ATG16L2: variants seen among roughly 807,000 people sequenced by gnomAD.
ATG16L2 encodes the protein protein Atg16l2.
A neutral mutation model predicts 84.7 loss-of-function variants in ATG16L2; 77 were observed. That is an observed-to-expected ratio of 0.91 (90% CI 0.76 to 1.10). The LOEUF is 1.10. Among genes scored for constraint, ATG16L2 ranks in the 50% least tolerant of loss-of-function variants. The pLI is 0.00. For synonymous variants in ATG16L2, 361 were observed against 342.8 expected, an observed-to-expected ratio of 1.05 and a Z score of -0.59; for missense variants, 782 against 817.6, an observed-to-expected ratio of 0.96 and a Z score of 0.53.
At chr11:72,827,381 G>A (rs868735138) in intron 14 of ATG16L2, 88 bp downstream of exon 14, 5 of 1,139,920 alleles carry the variant, frequency 4.4e-6, no homozygotes, top group Non-Finnish European at 6.5e-6. Context: ...ATGGCAGGAG[G>A]AGTCTTGGTG....
intron 5 of ATG16L2, chr11:72,841,084 C>A: frequency 1.4e-6 from 1 of 718,910 alleles, no homozygotes. Flanking sequence ...GGGAGGATTA[C>A]TTGAGGCCAG....
chr11:72,833,014 T>C (rs1338525078), downstream of ATG16L2, among the ~76,000 whole-genome samples: 1 of 152,180 alleles, frequency 6.6e-6, no homozygotes, highest in East Asian at 1.9e-4. Flanking sequence ...CCCTGCCCAA[T>C]CTCAGGCCTT....
In ATG16L2 at chr11:72,814,439, C is replaced by A. The variant is rs188671842; in HGVS notation, c.-7C>A. 3.0e-3 allele frequency: 4,462 copies of A among 1,476,760 alleles called. 111 individuals are homozygous for A. In the African/African-American group the frequency reaches 0.056, roughly 19 times the overall value. 91.5% of individuals were successfully genotyped at this position (1,476,760 alleles called of 1,614,324 possible). A position where few individuals can be genotyped will look rare whatever the true frequency, so the allele number is the denominator to read the frequency against. On this transcript the variant is annotated 5_prime_UTR_variant, in exon 1 of 18. Transcript: ENST00000321297. ...AGGAACGCGCCGCTAGGCGGGAGAG[C>A]GCGGCCATGGCGGGGCCGGGCGTCC...
At chr11:72,837,870 G>A (rs1012066707) in intron 5 of ATG16L2, 2 of 152,204 alleles carry the variant, frequency 1.3e-5, no homozygotes, top group Admixed American at 6.5e-5. Context: ...AAATAATGCC[G>A]GGGCGTCCCC....
At chr11:72,821,253 C>T in intron 3 of ATG16L2, 1 of 1,014,108 alleles carries the variant, frequency 9.9e-7, no homozygotes, top group Non-Finnish European at 1.2e-6. Flanking sequence ...AGCGTGTAGC[C>T]TGCTGGGAAC....
intron 11 of ATG16L2, 60 bp from the exon 12 acceptor site, chr11:72,826,458 G>A (rs1364288944): frequency 6.2e-6 from 10 of 1,601,416 alleles, no homozygotes; most frequent in Non-Finnish European, 8.5e-6. Context: ...GCCTCATTCT[G>A]TGGCCCGAAG....
chr11:72,825,543 A>G (rs1376968102), intron 10 of ATG16L2, 136 bp downstream of exon 10: 10 of 687,536 alleles, frequency 1.5e-5, no homozygotes, highest in Non-Finnish European at 2.5e-5. Flanking sequence ...TGACTAGACA[A>G]TGCCTTGGAA....
At chr11:72,842,705 C>T in exon 6 of ATG16L2, 1 of 1,614,060 alleles carries the variant, frequency 6.2e-7, no homozygotes, top group Non-Finnish European at 8.5e-7. Context: ...CTCCAATACG[C>T]CCATTGAATT....
rs755032564 is a variant in ATG16L2 at position 72,829,627 on chromosome 11, A to G, written c.*237A>G. On this transcript the variant is annotated 3_prime_UTR_variant, in exon 18 of 18. Transcript: ENST00000321297. The stretch of plus-strand genomic sequence containing the variant: ...TTTTCTCCCAAAGTAGAAAAAAATG[A>G]TATCTGAACTGCGTCTGCCTACCTC... 1.2e-4 allele frequency: 166 copies of G among 1,335,704 alleles called. No homozygotes were observed. Among genetic ancestry groups the G allele is most frequent in the Non-Finnish European group, 1.5e-4 (155 of 1,041,488 alleles). The allele number at this position is 1,335,704 out of a possible 1,614,324, so 82.7% of individuals were successfully genotyped here.
At chr11:72,821,267 A>C (rs1859975186) in intron 3 of ATG16L2, 1 of 1,017,568 alleles carries the variant, frequency 9.8e-7, no homozygotes, top group Non-Finnish European at 1.2e-6. Context: ...TGGGAACATC[A>C]TGGCGCCCGA....
At chr11:72,825,460 C>T in intron 10 of ATG16L2, 53 bp downstream of exon 10, 6 of 1,363,626 alleles carry the variant, frequency 4.4e-6, no homozygotes, top group Non-Finnish European at 6.2e-6. Context: ...AGACCCTCTC[C>T]TCAGCTCACT....
chr11:72,842,261 A>C (rs1860980716), intron 5 of ATG16L2, among the ~76,000 whole-genome samples: 1 of 152,216 alleles, frequency 6.6e-6, no homozygotes, highest in South Asian at 2.1e-4. Context: ...GGAGAGAGAG[A>C]GCCAGCTAAG....
downstream of ATG16L2, among the ~76,000 whole-genome samples, chr11:72,833,083 C>T (rs1860641666): frequency 1.3e-5 from 2 of 152,266 alleles, no homozygotes; most frequent in African/African-American, 2.4e-5. Flanking sequence ...TGTGCTCCTA[C>T]TGCCCCTTGG....
In ATG16L2 at chr11:72,829,563, G is replaced by A. The variant is rs957926948; in HGVS notation, c.*173G>A. The A allele has an allele frequency of 3.8e-5, 52 of 1,372,794 alleles. No individual in the cohort carries two copies. The highest frequency in any genetic ancestry group is 1.9e-4 in the South Asian group (11 of 57,770). The allele number at this position is 1,372,794 out of a possible 1,614,324, so 85.0% of individuals were successfully genotyped here. ...AATGAAGTATGGGTTGGGGGATTAC[G>A]CTAGTTTTTCTTTGTATTTTTATCT... On this transcript the variant is annotated 3_prime_UTR_variant, in exon 18 of 18. Transcript: ENST00000321297.
chr11:72,823,571 G>A (rs1221709343), intron 7 of ATG16L2: 3 of 422,776 alleles, frequency 7.1e-6, no homozygotes, highest in Non-Finnish European at 9.4e-6. Context: ...CTGGTGTCCA[G>A]GCCTTGGGGC....
intron 3 of ATG16L2, 38 bp downstream of exon 3, chr11:72,817,893 TGTG>T (rs1859782964): frequency 1.3e-6 from 2 of 1,564,622 alleles, no homozygotes; most frequent in African/African-American, 2.7e-5. Context: ...GGTAGAGAGA[TGTG>T]GTCCAAGGGA....
At chr11:72,838,628 C>A in intron 5 of ATG16L2, 1 of 599,544 alleles carries the variant, frequency 1.7e-6, no homozygotes, top group Non-Finnish European at 3.0e-6. Flanking sequence ...ACGAAATATT[C>A]AAAACGTGGG....
At chr11:72,832,589 C>A (rs1283909544), downstream of ATG16L2, among the ~76,000 whole-genome samples, 2 of 152,234 alleles carry the variant, frequency 1.3e-5, no homozygotes, top group Non-Finnish European at 2.9e-5. Context: ...CTCCTCCAGG[C>A]TCTCAGCAGT....
chr11:72,822,542 G>A lies in ATG16L2; in HGVS notation c.709G>A (p.Glu237Lys). ...KAAKRTVSISEGPDTLGDGMR... is the reference protein window; with the variant it reads ...KAAKRTVSISKGPDTLGDGMR... Reference sequence around the variant, plus strand: ...TGCCAAGCGGACCGTGAGCATCAGCGAGTAAGAGTGGGGATGGGCCGGTCC... The same window carrying A: ...TGCCAAGCGGACCGTGAGCATCAGCAAGTAAGAGTGGGGATGGGCCGGTCC... Residue 237 changes from glutamate (E) to lysine (K), a missense_variant and splice_region_variant, in exon 6 of 18, where the codon GAG becomes AAG. Physicochemically the swap from Glu to Lys is moderately conservative, Grantham distance 56 (BLOSUM62 1). Coordinates refer to ENST00000321297, the MANE Select transcript of ATG16L2 (RefSeq NM_033388.2). This position sits in a 1 kb window ranked among gnomAD's most constrained non-coding sequence, Gnocchi z 4.2. 1.2e-6 allele frequency: 2 copies of A among 1,612,550 alleles called. No individual in the cohort carries two copies. The highest frequency in any genetic ancestry group is 1.1e-5 in the South Asian group (1 of 91,018).
Sources: gnomAD v4.1 joint callset for allele counts (sites outside exome capture counted in the v4.1 genomes callset) on GRCh38, gnomAD v4.1.1 for gene constraint, Gnocchi (gnomAD v3.1) non-coding constraint, MANE v1.5 for transcripts, NCBI Gene and HGNC (gene_info 2026-07-23, HGNC 2026-07-21) for gene names.